The following SCTR variants were observed in gnomAD, a reference collection of about 807,000 sequenced individuals.
SCTR encodes pancreatic secretin receptor.
A neutral mutation model predicts 60.8 loss-of-function variants in SCTR; 56 were observed. The ratio of observed to expected loss-of-function variants is 0.92; its 90% CI spans 0.74 to 1.15. The LOEUF is 1.15. Among genes scored for constraint, SCTR ranks in the 50% most tolerant of loss-of-function variants. The pLI is 0.00. For missense variants in SCTR, 562 were observed against 550.4 expected (o/e 1.02, Z -0.21); for synonymous variants, 202 against 217.0 (o/e 0.93, Z 0.61).
intron 7 of SCTR, among the ~76,000 whole-genome samples, chr2:119,458,337 C>T (rs1683458619): frequency 6.7e-6 from 1 of 148,180 alleles, no homozygotes; most frequent in African/African-American, 2.5e-5. Flanking sequence ...CGTGGTGGCT[C>T]ACGCCTGTAA....
rs185101697 is a variant in SCTR at position 119,444,266 on chromosome 2, T to C, written c.1140+2493A>G. 7.7e-4 allele frequency among the ~76,000 whole-genome samples: 56 copies of C among 72,996 alleles called. 1 individual carries two copies. The highest frequency in any genetic ancestry group is 3.2e-3 in the African/African-American group (52 of 16,194). The allele number at this position is 72,996 out of a possible 152,430, so 47.9% of individuals were successfully genotyped here. Reference sequence around the variant, plus strand: ...ATATACACATATACATATGAATATATACATATATACATATGAATATATACA... The same window carrying C: ...ATATACACATATACATATGAATATACACATATATACATATGAATATATACA... On this transcript the variant is annotated intron_variant, in intron 11 of 12. Transcript: ENST00000019103.
In SCTR at chr2:119,485,052, C is replaced by T. The variant is rs138022869; in HGVS notation, c.194-6134G>A. On this transcript the variant is annotated intron_variant, in intron 2 of 12. Transcript: ENST00000019103. Reference sequence around the variant, plus strand: ...CAAAGCACAGGAGGGGCCAGTGGCCCAGGATAGACAGGGCTCTGCCAGTCA... The same window carrying T: ...CAAAGCACAGGAGGGGCCAGTGGCCTAGGATAGACAGGGCTCTGCCAGTCA... Among the ~76,000 whole-genome samples the T allele has an allele frequency of 5.4e-3, 822 of 152,320 alleles. 5 individuals carry two copies. The highest frequency in any genetic ancestry group is 0.019 in the African/African-American group (787 of 41,572).
intron 4 of SCTR, among the ~76,000 whole-genome samples, chr2:119,472,861 G>A (rs1393913087): frequency 6.6e-6 from 1 of 152,136 alleles, no homozygotes; most frequent in African/African-American, 2.4e-5. Flanking sequence ...CCTGGCCTCA[G>A]GCAATCCTCC....
chr2:119,441,312 A>G lies in SCTR; in HGVS notation c.1182+246T>C, dbSNP rs73948697. 9.9e-3 allele frequency among the ~76,000 whole-genome samples: 1,508 copies of G among 152,294 alleles called. 23 individuals carry two copies. Among genetic ancestry groups the G allele is most frequent in the African/African-American group, 0.034 (1,420 of 41,554 alleles). ...CTTTCTCAGACCCCAGTCCAGACCT[A>G]CAGAATTTATTTCTGTGGAATGAGA... On this transcript the variant is annotated intron_variant, in intron 12 of 12. Coordinates refer to ENST00000019103, the MANE Select transcript of SCTR (RefSeq NM_002980.3).
Position 119,444,088 on chromosome 2 carries a change from A to G in SCTR, c.1141-2489T>C, listed in dbSNP as rs1038867852. Among the ~76,000 whole-genome samples the G allele has an allele frequency of 2.0e-5, 3 of 148,070 alleles. No individual in the cohort carries two copies. The South Asian group carries it at 6.4e-4, about 32-fold the overall frequency. ...TGGGGTTCATTGTCCTATTCTCTTCACTTTTGTATATGAAAAACATTTTCT... is the reference window on the plus strand; with the variant it reads ...TGGGGTTCATTGTCCTATTCTCTTCGCTTTTGTATATGAAAAACATTTTCT... On this transcript the variant is annotated intron_variant, in intron 11 of 12. Transcript: ENST00000019103.
rs200813938 is a variant in SCTR at position 119,478,869 on chromosome 2, C to G, written c.243G>C (p.Pro81=). Reference sequence around the variant, plus strand: ...GGCATTCCACCTCCACCATCCGGCCCGGCACAGAAGAGGGCCAGCAGCTTA... The same window carrying G: ...GGCATTCCACCTCCACCATCCGGCCGGGCACAGAAGAGGGCCAGCAGCTTA... The part of the protein sequence containing the change: ...DNISCWPSSV[P]GRMVEVECPR... The change falls in exon 3 of 13, where the codon CCG becomes CCC. Residue 81 remains proline, a synonymous_variant. Coordinates refer to ENST00000019103, the MANE Select transcript of SCTR (RefSeq NM_002980.3). 18 of 1,614,070 alleles carry G rather than the reference C, an allele frequency of 1.1e-5. No homozygotes were observed. The African/African-American group carries it at 2.4e-4, about 22-fold the overall frequency.
intron 4 of SCTR, among the ~76,000 whole-genome samples, chr2:119,466,773 A>ATACG (rs1683851964): frequency 6.9e-6 from 1 of 145,684 alleles, no homozygotes; most frequent in African/African-American, 2.8e-5. Flanking sequence ...ATATACATAC[A>ATACG]TACATACATA....
At chr2:119,477,433 C>T (rs572507621) in intron 3 of SCTR, among the ~76,000 whole-genome samples, 77 of 146,276 alleles carry the variant, frequency 5.3e-4, no homozygotes, top group South Asian at 1.6e-3. Flanking sequence ...CTGTTCTGGA[C>T]GTTTTTTGTT....
chr2:119,493,468 A>G (rs1319172671), intron 2 of SCTR, among the ~76,000 whole-genome samples: 1 of 152,208 alleles, frequency 6.6e-6, no homozygotes, highest in Non-Finnish European at 1.5e-5. Flanking sequence ...GACGTTTAGT[A>G]AGGGAATAAA....
At chr2:119,454,815 C>G (rs1282346527) in intron 7 of SCTR, among the ~76,000 whole-genome samples, 2 of 150,462 alleles carry the variant, frequency 1.3e-5, no homozygotes, top group Non-Finnish European at 2.9e-5. Flanking sequence ...GATTGCGCCA[C>G]TGCGCTCCAG....
chr2:119,511,272 G>C (rs986044824), intron 1 of SCTR, among the ~76,000 whole-genome samples: 4 of 152,104 alleles, frequency 2.6e-5, no homozygotes, highest in African/African-American at 7.2e-5. Flanking sequence ...ATTTGAGACA[G>C]TCAAACTTCC....
intron 2 of SCTR, among the ~76,000 whole-genome samples, chr2:119,492,860 T>G (rs1678191174): frequency 6.6e-6 from 1 of 150,568 alleles, no homozygotes; most frequent in Non-Finnish European, 1.5e-5. Flanking sequence ...ATTTATTTAT[T>G]TATTTATTTA....
intron 1 of SCTR, among the ~76,000 whole-genome samples, chr2:119,500,630 CAA>C (rs201491388): frequency 1.3e-5 from 2 of 151,604 alleles, no homozygotes; most frequent in African/African-American, 4.8e-5. Flanking sequence ...CACAAAAAGA[CAA>C]AAAAAATCAC....
chr2:119,442,597 GAGTT>G lies in SCTR; in HGVS notation c.1141-1002_1141-999del, dbSNP rs1361125049. ...CTCAGGGATATTGGCATTTTAAAAA[GAGTT>G]AGTGGCGAAGCTGGAAGGGTTTGCT... On this transcript the variant is annotated intron_variant, in intron 11 of 12. Transcript: ENST00000019103. Among the ~76,000 whole-genome samples the G allele has an allele frequency of 2.6e-5, 4 of 152,358 alleles. No individual in the cohort carries two copies. In the East Asian group the frequency reaches 5.8e-4, roughly 22 times the overall value.
At chr2:119,474,466 T>G (rs76085671) in intron 3 of SCTR, among the ~76,000 whole-genome samples, 2,317 of 152,276 alleles carry the variant, frequency 0.015, 62 homozygotes, top group African/African-American at 0.052. Flanking sequence ...CGCTGAATTC[T>G]GTACTCTGAG....
Position 119,494,449 on chromosome 2 carries a change from C to G in SCTR, c.172G>C (p.Gly58Arg). Residue 58 changes from glycine (G) to arginine (R), a missense_variant, in exon 2 of 13, where the codon GGC (glycine) becomes CGC (arginine). Coordinates refer to ENST00000019103, the MANE Select transcript of SCTR (RefSeq NM_002980.3). ...ATACCTGGCACTGGCTGCTCCGTGC[C>G]CAGGTCTCCTGTCTGCTCTCTGGAG... ...ELSREQTGDL[G>R]TEQPVPGCEG... 1 of 1,613,946 alleles carries G rather than the reference C, an allele frequency of 6.2e-7. No individual in the cohort carries two copies.
chr2:119,460,296 C>T (rs1333070675), intron 7 of SCTR, among the ~76,000 whole-genome samples: 1 of 152,072 alleles, frequency 6.6e-6, no homozygotes, highest in Non-Finnish European at 1.5e-5. Flanking sequence ...TCTCTGTAAG[C>T]CTTTGAGTCA....
At chr2:119,501,215 C>A (rs1040298910) in intron 1 of SCTR, among the ~76,000 whole-genome samples, 5 of 152,026 alleles carry the variant, frequency 3.3e-5, no homozygotes, top group Admixed American at 2.0e-4. Flanking sequence ...TCGAGACCAT[C>A]CTGGCTAACA....
intron 1 of SCTR, among the ~76,000 whole-genome samples, chr2:119,501,698 C>T (rs538000318): frequency 6.6e-6 from 1 of 152,218 alleles, no homozygotes; most frequent in East Asian, 1.9e-4. Context: ...TTGATCATAA[C>T]ATATTGTATA....
Sources: allele counts gnomAD v4.1 joint callset (sites outside exome capture counted in the v4.1 genomes callset), GRCh38; gene constraint gnomAD v4.1.1; transcripts MANE v1.5; gene names NCBI Gene and HGNC (gene_info 2026-07-23, HGNC 2026-07-21).